ECHDC1: variants seen among roughly 807,000 people sequenced by gnomAD.
The protein encoded by ECHDC1 is ethylmalonyl-CoA decarboxylase 1.
In ECHDC1, 29 loss-of-function variants were observed where a neutral mutation model predicts 29.7. The observed-to-expected ratio is 0.98, with a 90% CI of 0.73 to 1.33. ECHDC1 has a LOEUF of 1.33. Ranked by LOEUF, ECHDC1 falls within the 40% of genes most tolerant of loss-of-function variation. The probability of loss-of-function intolerance (pLI) is 0.00; values close to 1 mark genes in which losing one functional copy is unlikely to be tolerated. For missense variants in ECHDC1, 328 were observed against 350.0 expected (o/e 0.94, Z 0.50); for synonymous variants, 126 against 123.1 (o/e 1.02, Z -0.15).
intron 5 of ECHDC1, among the ~76,000 whole-genome samples, chr6:127,312,871 A>G (rs1782054758): frequency 6.6e-6 from 1 of 152,220 alleles, no homozygotes; most frequent in Admixed American, 6.5e-5. Flanking sequence ...ATGGTACAAC[A>G]TGGATGACTC....
At chr6:127,323,841 G>A (rs1783059025) in intron 3 of ECHDC1, among the ~76,000 whole-genome samples, 1 of 151,978 alleles carries the variant, frequency 6.6e-6, no homozygotes, top group African/African-American at 2.4e-5. Context: ...TGGTAGAGGG[G>A]GAAGGAGCAC....
In ECHDC1 at chr6:127,324,810, C is replaced by T. The variant is rs1226673657; in HGVS notation, c.363+2192G>A. Among the ~76,000 whole-genome samples the T allele has an allele frequency of 2.0e-5, 3 of 152,168 alleles. No individual in the cohort carries two copies. In the East Asian group the frequency reaches 5.8e-4, roughly 29 times the overall value. On this transcript the variant is annotated intron_variant, in intron 3 of 5. Transcript: ENST00000454859. ...AATTTGAGCAACAAAATGAATAATG[C>T]ATATAAAATAAATATCCATGAGTGC...
chr6:127,292,582 C>T (rs1224993960), intron 5 of ECHDC1, among the ~76,000 whole-genome samples: 1 of 151,768 alleles, frequency 6.6e-6, no homozygotes, highest in African/African-American at 2.4e-5. Flanking sequence ...CAAGTAGTTT[C>T]CTCTAATAAA....
intron 5 of ECHDC1, among the ~76,000 whole-genome samples, chr6:127,314,197 G>A (rs1276344627): frequency 6.6e-6 from 1 of 151,254 alleles, no homozygotes; most frequent in Non-Finnish European, 1.5e-5. Context: ...CTTGGGAATG[G>A]TACTGAGAAA....
chr6:127,315,822 T>G (rs547088759), intron 4 of ECHDC1: 18 of 408,626 alleles, frequency 4.4e-5, no homozygotes, highest in South Asian at 3.2e-4. Context: ...TTAATAACCT[T>G]GCTTAAATAA....
chr6:127,327,119 T>C lies in ECHDC1; in HGVS notation c.246A>G (p.Glu82=), dbSNP rs766010440. The C allele has an allele frequency of 7.4e-6, 12 of 1,613,858 alleles. No individual in the cohort carries two copies. The highest frequency in any genetic ancestry group is 1.0e-5 in the Non-Finnish European group (12 of 1,179,958). Residue 82 remains glutamate (E), a synonymous_variant, in exon 3 of 6, where the codon GAA becomes GAG. Coordinates refer to ENST00000454859, the MANE Select transcript of ECHDC1 (RefSeq NM_001002030.2). The stretch of plus-strand genomic sequence containing the variant: ...TCCAATTTTCCAATTCAATTACTTT[T>C]TCCAGAAGTTGTAGCATCATAACAC... The part of the protein sequence containing the change: ...FSGVMMLQLL[E]KVIELENWTE...
intron 3 of ECHDC1, among the ~76,000 whole-genome samples, chr6:127,319,601 T>C (rs910428910): frequency 2.0e-5 from 3 of 152,304 alleles, no homozygotes; most frequent in South Asian, 2.1e-4. Flanking sequence ...GTCCTCTCAC[T>C]GGGTTGAAGA....
At chr6:127,332,049 A>G (rs1784006824) in intron 1 of ECHDC1, among the ~76,000 whole-genome samples, 2 of 152,246 alleles carry the variant, frequency 1.3e-5, no homozygotes, top group South Asian at 2.1e-4. Context: ...TATATAAAAT[A>G]TAAGTTACAG....
At chr6:127,314,947 T>C (rs775913420) in intron 4 of ECHDC1, 51 bp from the exon 5 acceptor site, 1 of 1,513,862 alleles carries the variant, frequency 6.6e-7, no homozygotes, top group Non-Finnish European at 9.1e-7. Flanking sequence ...TCAATATTCA[T>C]TTACAAATGT....
chr6:127,324,700 A>G (rs992089815), intron 3 of ECHDC1, among the ~76,000 whole-genome samples: 1 of 152,212 alleles, frequency 6.6e-6, no homozygotes, highest in Non-Finnish European at 1.5e-5. Flanking sequence ...GGGAGTACTC[A>G]AAAAACAAAA....
chr6:127,310,530 A>G (rs1269795049), intron 5 of ECHDC1, among the ~76,000 whole-genome samples: 13 of 152,164 alleles, frequency 8.5e-5, no homozygotes, highest in Admixed American at 8.5e-4. Context: ...TAGAAGTAGA[A>G]CCTGAAGATG....
At chr6:127,294,522 T>C (rs1002261738) in intron 5 of ECHDC1, 3 of 152,164 alleles carry the variant, frequency 2.0e-5, no homozygotes, top group African/African-American at 7.2e-5. Flanking sequence ...TTTCCAAGTC[T>C]CAGATGATTG....
intron 4 of ECHDC1, chr6:127,315,873 C>T (rs940091992): frequency 2.3e-5 from 10 of 443,194 alleles, no homozygotes; most frequent in African/African-American, 1.0e-4. Context: ...TGTCTACATT[C>T]GGAATGTGAA....
chr6:127,328,247 A>G (rs1299866932), intron 2 of ECHDC1, among the ~76,000 whole-genome samples: 1 of 152,226 alleles, frequency 6.6e-6, no homozygotes, highest in African/African-American at 2.4e-5. Flanking sequence ...TGCACCAACA[A>G]TGTATCACAT....
chr6:127,311,076 A>C lies in ECHDC1; in HGVS notation c.497+3740T>G, dbSNP rs577167156. 2.6e-5 allele frequency among the ~76,000 whole-genome samples: 4 copies of C among 152,320 alleles called. No homozygotes were observed. In the South Asian group the frequency reaches 6.2e-4, roughly 24 times the overall value. ...ACATAACTTATATACGCACTGGGAA[A>C]CCAAACAGTTCGTGTGACTCACTTT... is the stretch of plus-strand genomic sequence containing the variant. On this transcript the variant is annotated intron_variant, in intron 5 of 5. Transcript: ENST00000454859.
At chr6:127,313,362 C>T (rs1466708129) in intron 5 of ECHDC1, 2 of 283,294 alleles carry the variant, frequency 7.1e-6, no homozygotes, top group Non-Finnish European at 1.4e-5. Flanking sequence ...GCCACCACAC[C>T]TGGCTAATTT....
intron 1 of ECHDC1, among the ~76,000 whole-genome samples, chr6:127,340,999 C>G (rs996927182): frequency 6.6e-6 from 1 of 152,166 alleles, no homozygotes; most frequent in Non-Finnish European, 1.5e-5. Flanking sequence ...ATCCTCAAAT[C>G]TTTAAAACAT....
rs914899629 is a variant in ECHDC1 at position 127,296,341 on chromosome 6, G to A, written c.498-6064C>T. Among the ~76,000 whole-genome samples, 4 of 151,936 alleles carry A rather than the reference G, an allele frequency of 2.6e-5. No individual in the cohort carries two copies. The East Asian group carries it at 5.8e-4, about 22-fold the overall frequency. On this transcript the variant is annotated intron_variant, in intron 5 of 5. Coordinates refer to ENST00000454859, the MANE Select transcript of ECHDC1 (RefSeq NM_001002030.2). ...CCAGAGTAGCTGCAACTACACGTGC[G>A]CCATCACACCCGGCTAAATTTTTAT... is the stretch of plus-strand genomic sequence containing the variant.
intron 5 of ECHDC1, among the ~76,000 whole-genome samples, chr6:127,302,456 G>C (rs1405108869): frequency 6.6e-6 from 1 of 151,588 alleles, no homozygotes; most frequent in Non-Finnish European, 1.5e-5. Context: ...TTGGAGTGCA[G>C]TGCCGCCATC....
Sources: allele counts gnomAD v4.1 joint callset (sites outside exome capture counted in the v4.1 genomes callset), GRCh38; gene constraint gnomAD v4.1.1; transcripts MANE v1.5; gene names NCBI Gene and HGNC (gene_info 2026-07-23, HGNC 2026-07-21).